The following GPC6 variants were observed in gnomAD, a reference collection of about 807,000 sequenced individuals.
GPC6 encodes the protein glypican-6.
GPC6 carries 14 observed loss-of-function variants against 55.2 expected under a neutral mutation model. The ratio of observed to expected loss-of-function variants is 0.25; its 90% confidence interval spans 0.17 to 0.40. The LOEUF (loss-of-function observed/expected upper bound fraction) is 0.40, where lower values mean the gene tolerates loss of function less well. GPC6 is among the 10% of genes least tolerant of loss of function. The pLI is 1.00. For missense variants in GPC6, 641 were observed against 708.5 expected, an observed-to-expected ratio of 0.90 and a Z score of 1.08; for synonymous variants, 278 against 259.6, an observed-to-expected ratio of 1.07 and a Z score of -0.68.
At chr13:93,691,543 T>A (rs1026550998) in intron 2 of GPC6, among the ~76,000 whole-genome samples, 1 of 151,964 alleles carries the variant, frequency 6.6e-6, no homozygotes, top group Non-Finnish European at 1.5e-5. Context: ...TAAAAGAGTT[T>A]TCAGAGCTGA....
chr13:94,227,305 G>T (rs181418611), intron 4 of GPC6, among the ~76,000 whole-genome samples: 230 of 152,292 alleles, frequency 1.5e-3, no homozygotes, highest in African/African-American at 5.4e-3. Flanking sequence ...GAGCGTTAGT[G>T]TCTGTAATCT....
chr13:93,229,633 T>A (rs996182923), intron 1 of GPC6, among the ~76,000 whole-genome samples: 1 of 152,188 alleles, frequency 6.6e-6, no homozygotes, highest in Non-Finnish European at 1.5e-5. Context: ...AAGAGGTTTT[T>A]GTTTTTGTTT....
intron 2 of GPC6, among the ~76,000 whole-genome samples, chr13:93,664,630 T>A (rs2139617889): frequency 6.6e-6 from 1 of 152,040 alleles, no homozygotes; most frequent in Admixed American, 6.6e-5. Context: ...TTTGTTTGTT[T>A]GTTTTGAGAC....
intron 2 of GPC6, among the ~76,000 whole-genome samples, chr13:93,825,023 C>A (rs1887182584): frequency 6.6e-6 from 1 of 151,896 alleles, no homozygotes; most frequent in Non-Finnish European, 1.5e-5. Context: ...GTATTACAAA[C>A]AAATCATGGG....
Position 93,654,516 on chromosome 13 carries a change from T to TG in GPC6, c.319+109099dup, listed in dbSNP as rs534905413. On this transcript the variant is annotated intron_variant, in intron 2 of 8. Transcript: ENST00000377047. The stretch of plus-strand genomic sequence containing the variant: ...CTAATTTTTGTATTTTTAGTAGAGA[T>TG]GGGGTTTCACCATGTTGGCCAGGCT... Among the ~76,000 whole-genome samples, 5 of 152,154 alleles carry TG rather than the reference T, an allele frequency of 3.3e-5. No homozygotes were observed. The South Asian group carries it at 8.3e-4, about 25-fold the overall frequency.
intron 6 of GPC6, among the ~76,000 whole-genome samples, chr13:94,322,376 G>T (rs7336410): frequency 0.12 from 17,551 of 152,098 alleles, 2,512 homozygotes; most frequent in African/African-American, 0.34. Flanking sequence ...GAAAGCAGAC[G>T]ACTACACCTA....
intron 2 of GPC6, among the ~76,000 whole-genome samples, chr13:93,653,036 CAT>C (rs1880486634): frequency 6.6e-6 from 1 of 152,138 alleles, no homozygotes; most frequent in African/African-American, 2.4e-5. Context: ...CAGGAAGACA[CAT>C]GTATACTACA....
chr13:93,839,735 G>T (rs1004084767), intron 3 of GPC6, among the ~76,000 whole-genome samples: 1 of 152,042 alleles, frequency 6.6e-6, no homozygotes, highest in Non-Finnish European at 1.5e-5. Context: ...GATGTTCCCT[G>T]GTGCAATATC....
chr13:93,619,438 T>C (rs1430554416), intron 2 of GPC6, among the ~76,000 whole-genome samples: 9 of 152,176 alleles, frequency 5.9e-5, no homozygotes, highest in Admixed American at 6.5e-5. Flanking sequence ...CTATGTTCTT[T>C]ACACTTTTTT....
chr13:93,666,823 G>C (rs914484278), intron 2 of GPC6, among the ~76,000 whole-genome samples: 8 of 152,130 alleles, frequency 5.3e-5, no homozygotes, highest in Non-Finnish European at 1.2e-4. Context: ...TGGTCCAACA[G>C]AAAGTGCCAG....
chr13:93,595,558 T>A (rs1304468834), intron 2 of GPC6, among the ~76,000 whole-genome samples: 2 of 152,198 alleles, frequency 1.3e-5, no homozygotes, highest in Non-Finnish European at 2.9e-5. Context: ...AATAACTATT[T>A]CCAGGGCTCA....
intron 1 of GPC6, among the ~76,000 whole-genome samples, chr13:93,379,312 T>C (rs1875057310): frequency 6.6e-6 from 1 of 152,194 alleles, no homozygotes; most frequent in Non-Finnish European, 1.5e-5. Context: ...ACATCATAAA[T>C]ACTTTTATAA....
intron 4 of GPC6, among the ~76,000 whole-genome samples, chr13:94,114,873 T>C (rs1032493661): frequency 1.2e-4 from 19 of 152,124 alleles, no homozygotes; most frequent in Non-Finnish European, 2.5e-4. Flanking sequence ...AGTACTGTTT[T>C]TTTTTCCATT....
rs1037560191 is a variant in GPC6, at chr13:93,839,717, G to A, written c.711+9172G>A. Among the ~76,000 whole-genome samples, 5 of 152,174 alleles carry A rather than the reference G, an allele frequency of 3.3e-5. No individual in the cohort carries two copies. The South Asian group carries it at 1.0e-3, about 32-fold the overall frequency. The stretch of plus-strand genomic sequence containing the variant: ...ATTGTCCCGTCTTCAGAGATTCAAT[G>A]TTATGAGGATGTTCCCTGGTGCAAT... On this transcript the variant is annotated intron_variant, in intron 3 of 8. Transcript: ENST00000377047.
At chr13:93,677,427 G>A (rs528188720) in intron 2 of GPC6, among the ~76,000 whole-genome samples, 2 of 152,094 alleles carry the variant, frequency 1.3e-5, no homozygotes, top group Admixed American at 1.3e-4. Context: ...ATATATAAGT[G>A]TTAATGATTA....
chr13:93,924,319 G>C (rs6492682), intron 3 of GPC6, among the ~76,000 whole-genome samples: 99,513 of 152,160 alleles, frequency 0.65, 32,844 homozygotes, highest in Non-Finnish European at 0.69. Flanking sequence ...GTCACATGCC[G>C]AGGACATTCA....
intron 2 of GPC6, among the ~76,000 whole-genome samples, chr13:93,564,692 A>G (rs1025349707): frequency 1.3e-5 from 2 of 152,118 alleles, no homozygotes; most frequent in Non-Finnish European, 2.9e-5. Context: ...TTTACCTTCT[A>G]TGAAGTGAAT....
intron 4 of GPC6, among the ~76,000 whole-genome samples, chr13:94,261,313 G>C (rs1374215466): frequency 6.6e-6 from 1 of 152,148 alleles, no homozygotes; most frequent in African/African-American, 2.4e-5. Flanking sequence ...AAGAGCATTT[G>C]TTAATGGTTT....
chr13:94,389,690 A>T (rs1447244508), intron 7 of GPC6, among the ~76,000 whole-genome samples: 2 of 152,192 alleles, frequency 1.3e-5, no homozygotes, highest in African/African-American at 4.8e-5. Flanking sequence ...GAAAAATGAA[A>T]GCCAGTCTGA....
Sources: gnomAD v4.1 joint callset for allele counts (sites outside exome capture counted in the v4.1 genomes callset) on GRCh38, gnomAD v4.1.1 for gene constraint, MANE v1.5 for transcripts, NCBI Gene and HGNC (gene_info 2026-07-23, HGNC 2026-07-21) for gene names.